ANO2: variants seen among roughly 807,000 people sequenced by gnomAD.
ANO2 encodes anoctamin 2.
A neutral mutation model predicts 124.2 loss-of-function variants in ANO2; 101 were observed. The ratio of observed to expected loss-of-function variants is 0.81; its 90% CI spans 0.69 to 0.96. The LOEUF is 0.96. Ranked by LOEUF, ANO2 falls within the 40% of genes least tolerant of loss-of-function variation. ANO2 has a pLI of 0.00. For synonymous variants in ANO2, 486 were observed against 482.5 expected (o/e 1.01, Z -0.09); for missense variants, 1,293 against 1,274.5 (o/e 1.01, Z -0.22).
At chr12:5,704,243 C>T (rs371134294) in intron 14 of ANO2, among the ~76,000 whole-genome samples, 8 of 152,248 alleles carry the variant, frequency 5.3e-5, no homozygotes, top group East Asian at 1.9e-4. Context: ...GGAACCCTCA[C>T]GACTCCTGCA....
intron 7 of ANO2, among the ~76,000 whole-genome samples, chr12:5,809,180 T>C (rs1234120854): frequency 6.6e-6 from 1 of 152,122 alleles, no homozygotes; most frequent in Admixed American, 6.5e-5. Context: ...AGCTGCAGAT[T>C]TGTCTGACTC....
chr12:5,739,271 AG>A, intron 13 of ANO2, 45 bp downstream of exon 13: 1 of 1,511,772 alleles, frequency 6.6e-7, no homozygotes, highest in Non-Finnish European at 9.0e-7. Context: ...GTCAAAACAA[AG>A]CAAAAGCCCA....
chr12:5,792,026 G>C (rs1952713322), intron 10 of ANO2, among the ~76,000 whole-genome samples: 1 of 151,928 alleles, frequency 6.6e-6, no homozygotes. Flanking sequence ...TAGACCTACA[G>C]CCATCATCAC....
intron 20 of ANO2, among the ~76,000 whole-genome samples, chr12:5,593,154 C>T (rs1359199122): frequency 6.6e-6 from 1 of 152,076 alleles, no homozygotes; most frequent in African/African-American, 2.4e-5. Context: ...AGCTCATGAC[C>T]AAGAAAAATA....
intron 7 of ANO2, among the ~76,000 whole-genome samples, chr12:5,817,526 T>C (rs796296522): frequency 1.3e-5 from 2 of 152,246 alleles, no homozygotes; most frequent in African/African-American, 4.8e-5. Flanking sequence ...TTCGGTTTGA[T>C]AAGAGCTCCA....
At chr12:5,860,823 G>A (rs573350418) in intron 3 of ANO2, among the ~76,000 whole-genome samples, 3 of 152,248 alleles carry the variant, frequency 2.0e-5, no homozygotes, top group South Asian at 2.1e-4. Flanking sequence ...AGCCTCACTC[G>A]TGCTCACAAA....
intron 16 of ANO2, among the ~76,000 whole-genome samples, chr12:5,633,311 GC>G (rs1945827086): frequency 6.6e-6 from 1 of 152,140 alleles, no homozygotes; most frequent in Non-Finnish European, 1.5e-5. Context: ...TGGCCCATCC[GC>G]CACTGCCTGC....
At position 5,797,291 on chromosome 12, in the gene ANO2, G is replaced by C. The variant is rs16933910; in HGVS notation, c.1055+2216C>G. Among the ~76,000 whole-genome samples, 375 of 152,258 alleles carry C rather than the reference G, an allele frequency of 2.5e-3. 1 individual carries two copies. Among genetic ancestry groups the C allele is most frequent in the East Asian group, 0.024 (122 of 5,166 alleles). The stretch of plus-strand genomic sequence containing the variant: ...GAGGAAGTGGCAAAAGAGAGAAATG[G>C]TGCTGAAGAAGAATCCCCAAGACTC... On this transcript the variant is annotated intron_variant, in intron 10 of 24. Transcript: ENST00000682330.
chr12:5,915,211 A>C (rs577495364), intron 3 of ANO2, among the ~76,000 whole-genome samples: 1 of 152,342 alleles, frequency 6.6e-6, no homozygotes. Flanking sequence ...ATGAAATTCT[A>C]ATCAAACGGT....
At chr12:5,919,988 C>T (rs568686815) in intron 3 of ANO2, among the ~76,000 whole-genome samples, 10 of 150,758 alleles carry the variant, frequency 6.6e-5, no homozygotes, top group African/African-American at 2.2e-4. Context: ...TGAGTCACCG[C>T]GCCTGGCAAG....
intron 2 of ANO2, 31 bp downstream of exon 2, chr12:5,922,589 T>TGCCCCCC: frequency 2.8e-6 from 4 of 1,449,806 alleles, no homozygotes; most frequent in African/African-American, 1.5e-5. Context: ...GGCTGGCCTA[T>TGCCCCCC]CCCCCCACCC....
intron 12 of ANO2, among the ~76,000 whole-genome samples, 197 bp from the exon 13 acceptor site, chr12:5,739,596 TACACACAC>T (rs71064167): frequency 1.4e-4 from 21 of 145,182 alleles, no homozygotes; most frequent in African/African-American, 4.6e-4. Flanking sequence ...ATAGATATGT[TACACACAC>T]ACACACACAC....
chr12:5,842,267 C>CA (rs1743099704), intron 4 of ANO2, among the ~76,000 whole-genome samples: 1 of 152,194 alleles, frequency 6.6e-6, no homozygotes, highest in Admixed American at 6.5e-5. Context: ...ACCACTATAT[C>CA]ACCAGCCCTC....
Position 5,862,530 on chromosome 12 carries a change from G to A in ANO2, c.535-8389C>T, listed in dbSNP as rs1304710720. On this transcript the variant is annotated intron_variant, in intron 3 of 24. Transcript: ENST00000682330. This position sits in a 1 kb window ranked among gnomAD's most constrained non-coding sequence, Gnocchi z 4.0. ...TTGCACTCCAACCAGAGGCAGCCCAGGAACAACTCCTCAAAGCCCAAGTGA... is the reference window on the plus strand; with the variant it reads ...TTGCACTCCAACCAGAGGCAGCCCAAGAACAACTCCTCAAAGCCCAAGTGA... Among the ~76,000 whole-genome samples the A allele has an allele frequency of 1.3e-5, 2 of 152,150 alleles. No homozygotes were observed. Among genetic ancestry groups the A allele is most frequent in the African/African-American group, 2.4e-5 (1 of 41,420 alleles).
At chr12:5,924,795 A>G (rs12830347) in intron 1 of ANO2, among the ~76,000 whole-genome samples, 17,805 of 152,090 alleles carry the variant, frequency 0.12, 1,148 homozygotes, top group African/African-American at 0.17. Flanking sequence ...TCTTTCCCCC[A>G]CAGCCTGCTT....
intron 3 of ANO2, among the ~76,000 whole-genome samples, chr12:5,855,066 T>C (rs1955058141): frequency 6.6e-6 from 1 of 152,218 alleles, no homozygotes; most frequent in African/African-American, 2.4e-5. Flanking sequence ...AGTCTCATTA[T>C]TGGTGAGAAG....
rs74889386 is a variant in ANO2 at position 5,577,213 on chromosome 12, C to T, written c.2439+742G>A. 1.3e-3 allele frequency among the ~76,000 whole-genome samples: 201 copies of T among 152,344 alleles called. 3 individuals are homozygous for T. The East Asian group carries it at 0.035, about 26-fold the overall frequency. On this transcript the variant is annotated intron_variant, in intron 22 of 24. Transcript: ENST00000682330. ...CTGATTTGCTCTGCCTCACCTCACACCTTCCAGCCATTTTATGTGATCTGG... is the reference window on the plus strand; with the variant it reads ...CTGATTTGCTCTGCCTCACCTCACATCTTCCAGCCATTTTATGTGATCTGG...
At chr12:5,679,830 A>T (rs746685302) in intron 14 of ANO2, among the ~76,000 whole-genome samples, 8 of 152,360 alleles carry the variant, frequency 5.3e-5, no homozygotes, top group Non-Finnish European at 1.2e-4. Context: ...ATAAAGACAC[A>T]TGCACACATA....
chr12:5,674,597 C>A (rs761879931), intron 14 of ANO2, among the ~76,000 whole-genome samples: 190 of 152,226 alleles, frequency 1.2e-3, no homozygotes, highest in Non-Finnish European at 2.1e-3. Flanking sequence ...AGAAGAAGCT[C>A]TCCCCAGGAA....
Sources: gnomAD v4.1 joint callset for allele counts (sites outside exome capture counted in the v4.1 genomes callset) on GRCh38, gnomAD v4.1.1 for gene constraint, Gnocchi (gnomAD v3.1) non-coding constraint, MANE v1.5 for transcripts, NCBI Gene and HGNC (gene_info 2026-07-23, HGNC 2026-07-21) for gene names.